Variants in FBXO34 observed in about 807,000 individuals in gnomAD.
FBXO34 encodes F-box only protein 34.
FBXO34 carries 12 observed loss-of-function variants against 24.5 expected under a neutral mutation model. The ratio of observed to expected loss-of-function variants is 0.49; its 90% CI spans 0.31 to 0.79. FBXO34 has a LOEUF of 0.79. Among genes scored for constraint, FBXO34 ranks in the 30% least tolerant of loss-of-function variants. The pLI, the probability that FBXO34 is intolerant of heterozygous loss-of-function variation, is 0.04. For synonymous variants in FBXO34, 320 were observed against 311.9 expected, an observed-to-expected ratio of 1.03 and a Z score of -0.27; for missense variants, 823 against 857.7, an observed-to-expected ratio of 0.96 and a Z score of 0.51.
chr14:55,293,732 C>T (rs947026040), intron 1 of FBXO34, among the ~76,000 whole-genome samples: 7 of 152,000 alleles, frequency 4.6e-5, no homozygotes, highest in Non-Finnish European at 1.0e-4. Flanking sequence ...AAAGTATTGC[C>T]TGTCATGTTC....
At chr14:55,391,082 T>A in the FBXO34 span, 6 of 837,648 alleles carry the variant, frequency 7.2e-6, no homozygotes, top group Non-Finnish European at 9.3e-6. Context: ...TTTTCAGATA[T>A]GTCAGAAAAC....
At chr14:55,355,896 G>C (rs1262426187), downstream of FBXO34, among the ~76,000 whole-genome samples, 1 of 152,232 alleles carries the variant, frequency 6.6e-6, no homozygotes, top group African/African-American at 2.4e-5. Context: ...ACCTGACAGG[G>C]AGGTAAAGGG....
the FBXO34 span, among the ~76,000 whole-genome samples, chr14:55,379,727 T>A: frequency 5.1e-3 from 775 of 152,238 alleles, 2 homozygotes; most frequent in South Asian, 7.5e-3. Context: ...TTTTCTGAAT[T>A]TTATTTATTT....
the FBXO34 span, chr14:55,440,665 G>A: frequency 8.3e-7 from 1 of 1,201,402 alleles, no homozygotes. Context: ...CCGGCCCATG[G>A]GCGCTGGGAA....
the FBXO34 span, chr14:55,440,652 C>T: frequency 7.7e-7 from 1 of 1,296,890 alleles, no homozygotes; most frequent in South Asian, 1.5e-5. Flanking sequence ...CGGAACCCAG[C>T]TACCGGCCCA....
At chr14:55,288,182 G>T (rs921038394) in intron 1 of FBXO34, among the ~76,000 whole-genome samples, 6 of 152,142 alleles carry the variant, frequency 3.9e-5, no homozygotes, top group Non-Finnish European at 8.8e-5. Context: ...TATGCTTCAT[G>T]ACCTCTACCT....
chr14:55,430,132 T>C, the FBXO34 span, among the ~76,000 whole-genome samples: 1 of 152,108 alleles, frequency 6.6e-6, no homozygotes, highest in Non-Finnish European at 1.5e-5. Context: ...TAGGTATTTT[T>C]CAACTGTTAG....
the FBXO34 span, chr14:55,411,837 A>C: frequency 6.4e-7 from 1 of 1,570,348 alleles, no homozygotes; most frequent in Non-Finnish European, 8.6e-7. Context: ...GCCTGAGAGG[A>C]GAGCCAGTCA....
chr14:55,309,104 T>G lies in FBXO34; in HGVS notation c.-11+37567T>G, dbSNP rs373991497. On this transcript the variant is annotated intron_variant, in intron 1 of 1. Coordinates refer to ENST00000313833, the MANE Select transcript of FBXO34 (RefSeq NM_017943.4). ...AATATCATTAGTTTTTGAAACTATTTTAACTGTATTTTAATATAATTGGTA... is the reference window on the plus strand; with the variant it reads ...AATATCATTAGTTTTTGAAACTATTGTAACTGTATTTTAATATAATTGGTA... Among the ~76,000 whole-genome samples the G allele has an allele frequency of 9.2e-5, 14 of 152,094 alleles. 1 individual carries two copies. The highest frequency in any genetic ancestry group is 3.4e-4 in the African/African-American group (14 of 41,510).
At chr14:55,346,881 C>T (rs1371603403) in intron 1 of FBXO34, among the ~76,000 whole-genome samples, 4 of 152,188 alleles carry the variant, frequency 2.6e-5, no homozygotes, top group Admixed American at 6.5e-5. Flanking sequence ...GTCTGCTTGG[C>T]ATTTTGTTGG....
Position 55,284,768 on chromosome 14 carries a change from A to C in FBXO34, c.-11+13231A>C, listed in dbSNP as rs72715760. ...GTAGATGGGACTACAGGCATGTGCC[A>C]CCACGTCCAGCTGATTTTTGTATCT... On this transcript the variant is annotated intron_variant, in intron 1 of 1. Transcript: ENST00000313833. Among the ~76,000 whole-genome samples, 32 of 148,642 alleles carry C rather than the reference A, an allele frequency of 2.2e-4. 4 individuals carry two copies. Among genetic ancestry groups the C allele is most frequent in the Non-Finnish European group, 4.5e-4 (30 of 66,722 alleles).
chr14:55,327,907 G>GTTTT (rs1491167583), intron 1 of FBXO34, among the ~76,000 whole-genome samples: 1 of 73,870 alleles, frequency 1.4e-5, no homozygotes, highest in African/African-American at 5.2e-5. Flanking sequence ...TGTTGTTGTT[G>GTTTT]GTTTTTTTTT....
At chr14:55,377,261 C>T in the FBXO34 span, among the ~76,000 whole-genome samples, 3 of 152,104 alleles carry the variant, frequency 2.0e-5, no homozygotes, top group Admixed American at 2.0e-4. Context: ...GCAGAAGAAT[C>T]GCTTGAACCC....
chr14:55,401,126 T>A, the FBXO34 span, among the ~76,000 whole-genome samples: 3 of 152,008 alleles, frequency 2.0e-5, no homozygotes, highest in African/African-American at 7.2e-5. Flanking sequence ...TGGCCTCCCA[T>A]CCCTCCCTCT....
the FBXO34 span, among the ~76,000 whole-genome samples, chr14:55,405,011 C>T: frequency 5.9e-5 from 9 of 152,280 alleles, no homozygotes; most frequent in African/African-American, 2.2e-4. Context: ...GTGATACTAG[C>T]TGAAAATAAG....
At chr14:55,414,980 C>T in the FBXO34 span, among the ~76,000 whole-genome samples, 7 of 152,102 alleles carry the variant, frequency 4.6e-5, no homozygotes, top group African/African-American at 7.2e-5. Context: ...TACTGTCACT[C>T]GTAAAGTCTT....
At chr14:55,419,310 A>T in the FBXO34 span, among the ~76,000 whole-genome samples, 1 of 152,260 alleles carries the variant, frequency 6.6e-6, no homozygotes, top group African/African-American at 2.4e-5. Context: ...CACAGAGTTA[A>T]CCAGACCCCA....
At chr14:55,388,834 G>C in the FBXO34 span, among the ~76,000 whole-genome samples, 1 of 152,168 alleles carries the variant, frequency 6.6e-6, no homozygotes, top group African/African-American at 2.4e-5. Context: ...CAAGTCATCA[G>C]AACCACCTGG....
At chr14:55,408,459 C>G in the FBXO34 span, among the ~76,000 whole-genome samples, 14 of 151,754 alleles carry the variant, frequency 9.2e-5, no homozygotes, top group South Asian at 2.1e-4. Context: ...TCCCCTCCCC[C>G]CTCAAACAAA....
Sources: allele counts gnomAD v4.1 joint callset (sites outside exome capture counted in the v4.1 genomes callset), GRCh38; gene constraint gnomAD v4.1.1; transcripts MANE v1.5; gene names NCBI Gene and HGNC (gene_info 2026-07-23, HGNC 2026-07-21).